The following BPIFA1 variants were observed in gnomAD, a reference collection of about 807,000 sequenced individuals.
The protein encoded by BPIFA1 is BPI fold-containing family A member 1.
BPIFA1 carries 24 observed loss-of-function variants against 25.1 expected under a neutral mutation model. The ratio of observed to expected loss-of-function variants is 0.96; its 90% CI spans 0.69 to 1.35. The LOEUF (loss-of-function observed/expected upper bound fraction) is 1.35, where lower values mean the gene tolerates loss of function less well. Among genes scored for constraint, BPIFA1 ranks in the 40% most tolerant of loss-of-function variants. The probability of loss-of-function intolerance (pLI) is 0.00; values close to 1 mark genes in which losing one functional copy is unlikely to be tolerated. For synonymous variants in BPIFA1, 139 were observed against 131.8 expected (o/e 1.05, Z -0.37); for missense variants, 344 against 303.7 (o/e 1.13, Z -0.99).
chr20:33,239,843 G>C lies in BPIFA1; in HGVS notation c.361G>C (p.Val121Leu). 1.9e-6 allele frequency: 3 copies of C among 1,614,212 alleles called. No homozygotes were observed. Among genetic ancestry groups the C allele is most frequent in the Non-Finnish European group, 2.5e-6 (3 of 1,180,022 alleles). ...CCCCCAGCTGCTGGAACTTGGCCTT[G>C]TGCAGAGCCCTGATGGCCACCGTCT... ...TDPQLLELGL[V>L]QSPDGHRLYV... is the part of the protein sequence containing the mutation. Residue 121 changes from valine (V) to leucine (L), a missense_variant, in exon 4 of 9, where the codon GTG becomes CTG. By Grantham distance (32) the Val-to-Leu change is conservative (BLOSUM62 1). Transcript: ENST00000354297.
intron 3 of BPIFA1, 107 bp from the exon 4 acceptor site, chr20:33,239,696 G>A: frequency 9.2e-7 from 1 of 1,091,434 alleles, no homozygotes; most frequent in East Asian, 2.4e-5. Flanking sequence ...CCCTATCCTG[G>A]GTGGGAAGCT....
Position 33,242,139 on chromosome 20 carries a change from C to A in BPIFA1, c.730+20C>A. 6.2e-7 allele frequency: 1 copy of A among 1,611,358 alleles called. No individual in the cohort carries two copies. Among genetic ancestry groups the A allele is most frequent in the South Asian group, 1.1e-5 (1 of 91,030 alleles). On this transcript the variant is annotated intron_variant, in intron 7 of 8. Coordinates refer to ENST00000354297, the MANE Select transcript of BPIFA1 (RefSeq NM_130852.3). ...TTGTTAGTAAGTACCTGCTTTCAAG[C>A]CCTCTGTCCCTCTCTGCAGGAGCAG...
At position 33,238,077 on chromosome 20, in the gene BPIFA1, T is replaced by G; in HGVS notation, c.183T>G (p.Ser61=). 1 of 1,613,794 alleles carries G rather than the reference T, an allele frequency of 6.2e-7. No individual in the cohort carries two copies. The highest frequency in any genetic ancestry group is 8.5e-7 in the Non-Finnish European group (1 of 1,179,886). Residue 61 remains serine (S), a synonymous_variant, in exon 3 of 9, where the codon TCT becomes TCG. Transcript: ENST00000354297. Reference sequence around the variant, plus strand: ...CAGCCCTCAGCAATGGCCTGCTGTCTGGGGGCCTGTTGGGCATTCTGGAAA... The same window carrying G: ...CAGCCCTCAGCAATGGCCTGCTGTCGGGGGGCCTGTTGGGCATTCTGGAAA... ...LTNALSNGLL[S]GGLLGILENL... is the part of the protein sequence containing the mutation.
At chr20:33,242,251 TC>T (rs1568632462) in intron 7 of BPIFA1, 132 bp downstream of exon 7, 1 of 1,044,744 alleles carries the variant, frequency 9.6e-7, no homozygotes, top group Non-Finnish European at 1.4e-6. Flanking sequence ...GGCTTCATTT[TC>T]CCCCGAATAA....
intron 4 of BPIFA1, 101 bp downstream of exon 4, chr20:33,240,011 G>A: frequency 7.2e-7 from 1 of 1,393,472 alleles, no homozygotes; most frequent in Non-Finnish European, 1.0e-6. Flanking sequence ...ACAGACCTGA[G>A]CCTCCAACTT....
Position 33,240,202 on chromosome 20 carries a change from C to G in BPIFA1, c.429-31C>G, listed in dbSNP as rs377378402. The G allele has an allele frequency of 2.2e-5, 36 of 1,609,504 alleles. No individual in the cohort carries two copies. In the African/African-American group the frequency reaches 4.1e-4, roughly 18 times the overall value. ...CCCTCTTCCTTGGAATGTGGTGGAG[C>G]TAGATACCAGTGGGGCTGTCTCCTT... On this transcript the variant is annotated intron_variant, in intron 4 of 8. Coordinates refer to ENST00000354297, the MANE Select transcript of BPIFA1 (RefSeq NM_130852.3).
In BPIFA1 at chr20:33,239,794, C is replaced by T; in HGVS notation, c.321-9C>T. ...AATGTTTCCCCCTCCAATATTACTCCCTGGACAGCATAAAGGTCACTGACC... is the reference window on the plus strand; with the variant it reads ...AATGTTTCCCCCTCCAATATTACTCTCTGGACAGCATAAAGGTCACTGACC... On this transcript the variant is annotated splice_polypyrimidine_tract_variant and intron_variant, in intron 3 of 8. Coordinates refer to ENST00000354297, the MANE Select transcript of BPIFA1 (RefSeq NM_130852.3). 1.2e-6 allele frequency: 2 copies of T among 1,611,982 alleles called. No individual in the cohort carries two copies. The highest frequency in any genetic ancestry group is 2.2e-5 in the South Asian group (2 of 91,024).
In BPIFA1 at chr20:33,237,045, A is replaced by G. The variant is rs529732605; in HGVS notation, c.-15-652A>G. ...AACAGTTCAATTCTTCAGCACTTGCACGTTTAACCCTTCTCATTTGCTTTG... is the reference window on the plus strand; with the variant it reads ...AACAGTTCAATTCTTCAGCACTTGCGCGTTTAACCCTTCTCATTTGCTTTG... On this transcript the variant is annotated intron_variant, in intron 1 of 8. Coordinates refer to ENST00000354297, the MANE Select transcript of BPIFA1 (RefSeq NM_130852.3). Among the ~76,000 whole-genome samples the G allele has an allele frequency of 1.3e-3, 201 of 152,312 alleles. 3 individuals are homozygous for G. Among genetic ancestry groups the G allele is most frequent in the Non-Finnish European group, 2.2e-3 (147 of 68,026 alleles).
chr20:33,242,198 C>A, intron 7 of BPIFA1, 79 bp downstream of exon 7: 1 of 1,409,482 alleles, frequency 7.1e-7, no homozygotes, highest in Non-Finnish European at 1.0e-6. Flanking sequence ...CCCTGCACAC[C>A]CTAGGATACT....
rs1194447716 is a variant in BPIFA1 at position 33,241,388 on chromosome 20, TG to T, written c.587del (p.Gly196AlafsTer16). The T allele has an allele frequency of 6.2e-7, 1 of 1,613,316 alleles. No individual in the cohort carries two copies. The highest frequency in any genetic ancestry group is 8.5e-7 in the Non-Finnish European group (1 of 1,179,240). ...ACCCATGACTTTTCTCTTTCAGACT[TG>T]GCCCCCTCCCCATTCAAGGTCTTCT... Reference protein sequence around the residue: ...SLQISLLDGLGPLPIQGLLDS... With the variant: ...SLQISLLDGLXPLPIQGLLDS... On this transcript the variant is annotated frameshift_variant, in exon 6 of 9. Transcript: ENST00000354297. LOFTEE classifies it high-confidence loss of function.
At chr20:33,237,489 T>C (rs1455985247) in intron 1 of BPIFA1, among the ~76,000 whole-genome samples, 2 of 152,134 alleles carry the variant, frequency 1.3e-5, no homozygotes, top group Non-Finnish European at 2.9e-5. Context: ...CAGGTGCCCA[T>C]GTCTTAGGGT....
chr20:33,240,962 A>G (rs1247979763), intron 5 of BPIFA1, among the ~76,000 whole-genome samples: 1 of 152,150 alleles, frequency 6.6e-6, no homozygotes, highest in East Asian at 1.9e-4. Flanking sequence ...TAACTAGGTT[A>G]TTTATTTCAG....
chr20:33,239,777 C>A lies in BPIFA1; in HGVS notation c.321-26C>A, dbSNP rs1290732284. The A allele has an allele frequency of 1.9e-6, 3 of 1,593,838 alleles. No homozygotes were observed. In the South Asian group the frequency reaches 3.3e-5, roughly 18 times the overall value. On this transcript the variant is annotated intron_variant, in intron 3 of 8. Transcript: ENST00000354297. ...TTGGAGCTAGAGGAGCTAATGTTTC[C>A]CCCTCCAATATTACTCCCTGGACAG...
Position 33,242,488 on chromosome 20 carries a change from C to T in BPIFA1, c.732C>T (p.Asn244=). 1.2e-6 allele frequency: 2 copies of T among 1,614,086 alleles called. No individual in the cohort carries two copies. The highest frequency in any genetic ancestry group is 1.7e-6 in the Non-Finnish European group (2 of 1,179,978). The change falls in exon 8 of 9, where the codon AAC becomes AAT. Residue 244 remains asparagine (N), a splice_region_variant and synonymous_variant. Transcript: ENST00000354297. ...TTTATTGCTTGTTTGTTTGTTTAGA[C>T]ATGCTGATCCACGGACTACAGTTTG... ...LDITLVHDIV[N]MLIHGLQFVI...
At chr20:33,242,427 C>T in intron 7 of BPIFA1, 60 bp from the exon 8 acceptor site, 2 of 1,584,748 alleles carry the variant, frequency 1.3e-6, no homozygotes, top group Non-Finnish European at 1.7e-6. Flanking sequence ...GGAATATGGA[C>T]TCCTTCACGT....
chr20:33,239,653 C>T (rs952889442), intron 3 of BPIFA1, 150 bp from the exon 4 acceptor site: 15 of 730,768 alleles, frequency 2.1e-5, no homozygotes, highest in South Asian at 3.3e-5. Context: ...TCAGAACCCA[C>T]GTGGCTTAGG....
intron 1 of BPIFA1, among the ~76,000 whole-genome samples, chr20:33,236,876 T>C (rs184851054): frequency 2.0e-5 from 3 of 152,256 alleles, no homozygotes; most frequent in Admixed American, 2.0e-4. Context: ...ATGAAGACTT[T>C]GATGGCCCCA....
intron 1 of BPIFA1, among the ~76,000 whole-genome samples, chr20:33,237,111 G>T (rs993013988): frequency 2.0e-5 from 3 of 152,294 alleles, no homozygotes; most frequent in South Asian, 2.1e-4. Context: ...AAGCAAGCCC[G>T]ATTGGAGAAT....
intron 2 of BPIFA1, 76 bp downstream of exon 2, chr20:33,237,947 T>C: frequency 8.1e-7 from 1 of 1,233,134 alleles, no homozygotes; most frequent in Non-Finnish European, 1.1e-6. Context: ...TGTGTGTGTG[T>C]GTGTCCAACC....
Sources: allele counts gnomAD v4.1 joint callset (sites outside exome capture counted in the v4.1 genomes callset), GRCh38; gene constraint gnomAD v4.1.1; transcripts MANE v1.5; gene names NCBI Gene and HGNC (gene_info 2026-07-23, HGNC 2026-07-21).